CLIP1: variants seen among roughly 807,000 people sequenced by gnomAD.
The protein encoded by CLIP1 is CAP-Gly domain containing linker protein 1, also known as CAP-Gly domain-containing linker protein 1.
In CLIP1, 66 loss-of-function variants were observed where a neutral mutation model predicts 161.6. The observed-to-expected ratio is 0.41, with a 90% CI of 0.33 to 0.50. The LOEUF is 0.50. CLIP1 is among the 20% of genes least tolerant of loss of function. The probability of loss-of-function intolerance (pLI) is 0.27; values close to 1 mark genes in which losing one functional copy is unlikely to be tolerated. For missense variants in CLIP1, 1,376 were observed against 1,702.0 expected (o/e 0.81, Z 3.37); for synonymous variants, 598 against 626.2 (o/e 0.96, Z 0.67).
rs113618137 is a variant in CLIP1 at position 122,309,556 on chromosome 12, T to C, written c.3594+206A>G. Among the ~76,000 whole-genome samples, 634 of 152,330 alleles carry C rather than the reference T, an allele frequency of 4.2e-3. 8 individuals carry two copies. The highest frequency in any genetic ancestry group is 0.014 in the African/African-American group (592 of 41,566). On this transcript the variant is annotated intron_variant, in intron 20 of 25. Transcript: ENST00000620786. Reference sequence around the variant, plus strand: ...GCAAGTTCCAGTGTTCTGTGTGTTTTTTAAAGGACCTGTCAAATCTCTCCT... The same window carrying C: ...GCAAGTTCCAGTGTTCTGTGTGTTTCTTAAAGGACCTGTCAAATCTCTCCT...
Position 122,316,733 on chromosome 12 carries a change from A to T in CLIP1, c.3473+16T>A, listed in dbSNP as rs753660757. 29 of 1,390,838 alleles carry T rather than the reference A, an allele frequency of 2.1e-5. No individual in the cohort carries two copies. The Middle Eastern group carries it at 7.4e-4, about 36-fold the overall frequency. 86.2% of individuals were successfully genotyped at this position (1,390,838 alleles called of 1,614,324 possible). A position where few individuals can be genotyped will look rare whatever the true frequency, so the allele number is the denominator to read the frequency against. On this transcript the variant is annotated intron_variant, in intron 19 of 25. Coordinates refer to ENST00000620786, the MANE Select transcript of CLIP1 (RefSeq NM_001247997.2). Reference sequence around the variant, plus strand: ...AAATAAATTCCATATTTTTTTCTCAAAGGATAGAAACTTACATTTCTTTCC... The same window carrying T: ...AAATAAATTCCATATTTTTTTCTCATAGGATAGAAACTTACATTTCTTTCC...
At chr12:122,402,403 C>T (rs979325654) in intron 1 of CLIP1, among the ~76,000 whole-genome samples, 10 of 151,934 alleles carry the variant, frequency 6.6e-5, no homozygotes, top group African/African-American at 2.4e-4. Flanking sequence ...GGGACGACTG[C>T]TTGAGCCCAA....
chr12:122,346,023 T>C (rs1183140177), intron 10 of CLIP1, among the ~76,000 whole-genome samples: 1 of 152,044 alleles, frequency 6.6e-6, no homozygotes, highest in Admixed American at 6.6e-5. Flanking sequence ...CAACCTCAGG[T>C]GATCCACCCA....
chr12:122,365,691 AAG>A, intron 3 of CLIP1: 3 of 669,118 alleles, frequency 4.5e-6, no homozygotes, highest in Non-Finnish European at 7.9e-6. Context: ...AAAAAAAAAA[AAG>A]AAAGAACTGC....
chr12:122,353,325 G>A (rs963298387), intron 7 of CLIP1, among the ~76,000 whole-genome samples: 3 of 152,186 alleles, frequency 2.0e-5, no homozygotes, highest in Non-Finnish European at 4.4e-5. Context: ...CTGCACAACT[G>A]AGTGAGACCT....
At position 122,361,013 on chromosome 12, in the gene CLIP1, G is replaced by A. The variant is rs779872345; in HGVS notation, c.951C>T (p.Ser317=). ...LKRSPSASSL[S]SMSSVASSVS... ...CAGAGGAGGCCACTGAGCTCATGGA[G>A]CTGAGGGAAGAGGCAGAAGGGCTGC... The change falls in exon 5 of 26, where the codon AGC becomes AGT. Residue 317 remains serine, a synonymous_variant. Coordinates refer to ENST00000620786, the MANE Select transcript of CLIP1 (RefSeq NM_001247997.2). 6.2e-7 allele frequency: 1 copy of A among 1,614,152 alleles called. No homozygotes were observed. Among genetic ancestry groups the A allele is most frequent in the Non-Finnish European group, 8.5e-7 (1 of 1,180,030 alleles).
chr12:122,340,607 C>T, intron 11 of CLIP1, 146 bp downstream of exon 11: 1 of 637,738 alleles, frequency 1.6e-6, no homozygotes, highest in South Asian at 2.1e-5. Flanking sequence ...ATACTCAGAA[C>T]ATACTACACT....
rs1955555799 is a variant in CLIP1, at chr12:122,279,363, CAG to C, written c.3648-220_3648-219del. On this transcript the variant is annotated intron_variant, in intron 21 of 25. Transcript: ENST00000620786. This position sits in a 1 kb window ranked among gnomAD's most constrained non-coding sequence, Gnocchi z 4.5. Reference sequence around the variant, plus strand: ...AAAGTTTACCTATGCATAGACATGCCAGAGTCTGCATGTGATTGTATCCATTT... The same window carrying C: ...AAAGTTTACCTATGCATAGACATGCCAGTCTGCATGTGATTGTATCCATTT... 3.3e-6 allele frequency: 1 copy of C among 300,582 alleles called. No homozygotes were observed. Among genetic ancestry groups the C allele is most frequent in the Admixed American group, 5.0e-5 (1 of 19,876 alleles). The allele number at this position is 300,582 out of a possible 1,614,324, so 18.6% of individuals were successfully genotyped here.
At position 122,287,134 on chromosome 12, in the gene CLIP1, A is replaced by T. The variant is rs188928160; in HGVS notation, c.3647+1355T>A. Among the ~76,000 whole-genome samples, 361 of 152,262 alleles carry T rather than the reference A, an allele frequency of 2.4e-3. 2 individuals are homozygous for T. The highest frequency in any genetic ancestry group is 8.1e-3 in the Admixed American group (123 of 15,272). ...GGCTGCCGTAAGCCATGATTGAGCC[A>T]TTGCACTCCAACTGGGGAGACACAG... On this transcript the variant is annotated intron_variant, in intron 21 of 25. Transcript: ENST00000620786.
rs11433673 is a variant in CLIP1, at chr12:122,336,962, GT to G, written c.2452-215del. On this transcript the variant is annotated intron_variant, in intron 11 of 25. Transcript: ENST00000620786. ...ATGATTTCCTAATGGCTATTTTTGT[GT>G]TTTTTTTTTTTTCTCTTTCTTTCTG... Among the ~76,000 whole-genome samples, 374 of 144,354 alleles carry G rather than the reference GT, an allele frequency of 2.6e-3. 2 individuals are homozygous for G. Among genetic ancestry groups the G allele is most frequent in the African/African-American group, 3.3e-3 (132 of 39,624 alleles). 94.7% of individuals were successfully genotyped at this position (144,354 alleles called of 152,430 possible).
chr12:122,341,259 G>A lies in CLIP1; in HGVS notation c.1945C>T (p.Leu649Phe). Residue 649 changes from leucine to phenylalanine, a missense_variant, in exon 11 of 26, where the codon CTT (leucine) becomes TTT (phenylalanine). Leu to Phe is a conservative substitution (Grantham distance 22). Around this residue, in one of 6 missense-constraint regions of CLIP1, gnomAD observed 948 missense variants for 1,134.8 expected, o/e 0.84. Coordinates refer to ENST00000620786, the MANE Select transcript of CLIP1 (RefSeq NM_001247997.2). ...EELKVSFSKG[L>F]GTETAEFAEL... ...GCAAATTCTGCCGTCTCTGTTCCAA[G>A]CCCTTTGCTGAAAGATACCTTCAGT... 6.2e-7 allele frequency: 1 copy of A among 1,613,984 alleles called. No individual in the cohort carries two copies. The highest frequency in any genetic ancestry group is 8.5e-7 in the Non-Finnish European group (1 of 1,179,982).
chr12:122,414,869 TG>T (rs1956674701), intron 1 of CLIP1, among the ~76,000 whole-genome samples: 1 of 151,978 alleles, frequency 6.6e-6, no homozygotes, highest in African/African-American at 2.4e-5. Flanking sequence ...TCCGCCTATA[TG>T]GGAAACACAT....
chr12:122,412,070 T>C (rs960902678), intron 1 of CLIP1, among the ~76,000 whole-genome samples: 8 of 145,460 alleles, frequency 5.5e-5, no homozygotes, highest in Non-Finnish European at 7.5e-5. Context: ...CTTTTTTTTT[T>C]TTTTTTTTTT....
chr12:122,362,792 G>GA lies in CLIP1; in HGVS notation c.782+1190dup, dbSNP rs1027850452. ...AGAAAAAACAAAACGGCATTGGAGG[G>GA]AAAAAAAAAAAGTAAACATGGAGAA... is the stretch of plus-strand genomic sequence containing the variant. On this transcript the variant is annotated intron_variant, in intron 4 of 25. Transcript: ENST00000620786. Among the ~76,000 whole-genome samples the GA allele has an allele frequency of 5.4e-3, 750 of 139,728 alleles. 4 individuals are homozygous for GA. The highest frequency in any genetic ancestry group is 0.018 in the African/African-American group (681 of 38,058). The allele number at this position is 139,728 out of a possible 152,430, so 91.7% of individuals were successfully genotyped here. A position where few individuals can be genotyped will look rare whatever the true frequency, so the allele number is the denominator to read the frequency against.
chr12:122,417,662 G>A (rs566799493), intron 1 of CLIP1, among the ~76,000 whole-genome samples: 3 of 151,766 alleles, frequency 2.0e-5, no homozygotes, highest in Non-Finnish European at 2.9e-5. Context: ...ACAGGCACCC[G>A]CCACCAAGCC....
chr12:122,359,270 C>A (rs531960305), intron 5 of CLIP1, among the ~76,000 whole-genome samples: 1 of 152,184 alleles, frequency 6.6e-6, no homozygotes, highest in African/African-American at 2.4e-5. Context: ...CAGAAACTCA[C>A]GTCTCTTTTG....
rs181061248 is a variant in CLIP1 at position 122,332,687 on chromosome 12, C to T, written c.2867+300G>A. On this transcript the variant is annotated intron_variant, in intron 15 of 25. Coordinates refer to ENST00000620786, the MANE Select transcript of CLIP1 (RefSeq NM_001247997.2). ...CCGCCCACCTCGGCCTCTCAAAGTG[C>T]TGGGATTACAGGCATGAGCCACCGC... Among the ~76,000 whole-genome samples, 574 of 152,290 alleles carry T rather than the reference C, an allele frequency of 3.8e-3. 2 individuals carry two copies. The highest frequency in any genetic ancestry group is 0.013 in the African/African-American group (549 of 41,558).
intron 20 of CLIP1, among the ~76,000 whole-genome samples, chr12:122,302,112 ATTATT>A (rs779219255): frequency 2.2e-4 from 34 of 151,632 alleles, no homozygotes; most frequent in Non-Finnish European, 4.3e-4. Context: ...TATTATTATT[ATTATT>A]TTGAGACAGT....
intron 1 of CLIP1, among the ~76,000 whole-genome samples, chr12:122,418,766 AAAAAT>A (rs149905806): frequency 0.022 from 3,337 of 152,208 alleles, 127 homozygotes; most frequent in African/African-American, 0.077. Flanking sequence ...CTGTGTCTAA[AAAAAT>A]AAAATAAAAT....
Sources: gnomAD v4.1 joint callset for allele counts (sites outside exome capture counted in the v4.1 genomes callset) on GRCh38, gnomAD v4.1.1 for gene constraint, gnomAD v4.1.1 regional missense constraint, Gnocchi (gnomAD v3.1) non-coding constraint, MANE v1.5 for transcripts, NCBI Gene and HGNC (gene_info 2026-07-23, HGNC 2026-07-21) for gene names.